The following SGMS1 variants were observed in gnomAD, a reference collection of about 807,000 sequenced individuals.
SGMS1 encodes the protein phosphatidylcholine:ceramide cholinephosphotransferase 1.
SGMS1 carries 13 observed loss-of-function variants against 46.2 expected under a neutral mutation model. The ratio of observed to expected loss-of-function variants is 0.28; its 90% CI spans 0.18 to 0.45. SGMS1 has a LOEUF of 0.45. Ranked by LOEUF, SGMS1 falls within the 20% of genes least tolerant of loss-of-function variation. The pLI, the probability that SGMS1 is intolerant of heterozygous loss-of-function variation, is 1.00. For missense variants in SGMS1, 324 were observed against 519.9 expected, an observed-to-expected ratio of 0.62 and a Z score of 3.66; for synonymous variants, 203 against 187.8, an observed-to-expected ratio of 1.08 and a Z score of -0.66.
intron 6 of SGMS1, among the ~76,000 whole-genome samples, chr10:50,428,745 G>A (rs536964577): frequency 1.3e-5 from 2 of 152,264 alleles, no homozygotes; most frequent in African/African-American, 4.8e-5. Context: ...CAGCCTTTCA[G>A]TCACCTGCAA....
chr10:50,318,878 G>A (rs1431085186), intron 8 of SGMS1, among the ~76,000 whole-genome samples: 1 of 152,038 alleles, frequency 6.6e-6, no homozygotes, highest in Admixed American at 6.6e-5. Context: ...GTGTCTCTAA[G>A]CAATTATCAG....
At chr10:50,475,550 G>A (rs1476778663) in intron 3 of SGMS1, among the ~76,000 whole-genome samples, 1 of 152,100 alleles carries the variant, frequency 6.6e-6, no homozygotes, top group Admixed American at 6.5e-5. Context: ...TGAATAACTG[G>A]TCCATGTTAT....
intron 1 of SGMS1, among the ~76,000 whole-genome samples, chr10:50,594,941 A>G (rs1402922805): frequency 2.0e-5 from 3 of 152,204 alleles, no homozygotes; most frequent in Non-Finnish European, 4.4e-5. Flanking sequence ...TAGATGGAAG[A>G]AACTGAGGTA....
chr10:50,404,487 T>C (rs1471398454), intron 6 of SGMS1, among the ~76,000 whole-genome samples: 1 of 152,064 alleles, frequency 6.6e-6, no homozygotes, highest in Non-Finnish European at 1.5e-5. Context: ...TGCATGCCTG[T>C]GGTCCTAGCT....
intron 6 of SGMS1, among the ~76,000 whole-genome samples, chr10:50,399,187 G>C (rs533342741): frequency 4.2e-4 from 64 of 152,262 alleles, no homozygotes; most frequent in Middle Eastern, 3.4e-3. Context: ...ATGACAAGGT[G>C]ATCATTTGGA....
chr10:50,404,530 G>A (rs757577920), intron 6 of SGMS1, among the ~76,000 whole-genome samples: 9 of 152,060 alleles, frequency 5.9e-5, no homozygotes, highest in African/African-American at 1.9e-4. Flanking sequence ...TTGAGCCCAC[G>A]AGTTTGAGGT....
At chr10:50,486,706 T>C (rs1406418394) in intron 3 of SGMS1, among the ~76,000 whole-genome samples, 1 of 152,266 alleles carries the variant, frequency 6.6e-6, no homozygotes, top group Non-Finnish European at 1.5e-5. Context: ...TTTACACTGT[T>C]GATGGGAATG....
At chr10:50,503,931 TAC>T (rs1837683306) in intron 3 of SGMS1, among the ~76,000 whole-genome samples, 1 of 152,182 alleles carries the variant, frequency 6.6e-6, no homozygotes, top group Admixed American at 6.5e-5. Flanking sequence ...AGAAGTTTTG[TAC>T]AGAGAAAAAA....
chr10:50,326,836 T>C (rs1430538356), intron 8 of SGMS1, among the ~76,000 whole-genome samples: 1 of 152,090 alleles, frequency 6.6e-6, no homozygotes, highest in African/African-American at 2.4e-5. Flanking sequence ...TAGGGATTAA[T>C]AGAAAGAAGG....
chr10:50,475,386 A>G lies in SGMS1; in HGVS notation c.-497-8454T>C, dbSNP rs560674712. ...TAACTGAACTGAATGAACCTTTGATATACGTTCATTTTATGTCTGCATGCA... is the reference window on the plus strand; with the variant it reads ...TAACTGAACTGAATGAACCTTTGATGTACGTTCATTTTATGTCTGCATGCA... On this transcript the variant is annotated intron_variant, in intron 3 of 10. Coordinates refer to ENST00000361781, the MANE Select transcript of SGMS1 (RefSeq NM_147156.4). 1.8e-3 allele frequency among the ~76,000 whole-genome samples: 269 copies of G among 152,308 alleles called. 1 individual carries two copies. Among genetic ancestry groups the G allele is most frequent in the Non-Finnish European group, 3.1e-3 (212 of 68,014 alleles).
intron 1 of SGMS1, among the ~76,000 whole-genome samples, chr10:50,617,272 A>T (rs1053127997): frequency 5.3e-5 from 8 of 152,248 alleles, no homozygotes; most frequent in African/African-American, 1.9e-4. Context: ...ATCATAATTT[A>T]AAAAGATTTT....
chr10:50,443,798 TATA>T (rs1328374977), intron 5 of SGMS1, among the ~76,000 whole-genome samples: 1 of 152,086 alleles, frequency 6.6e-6, no homozygotes, highest in Non-Finnish European at 1.5e-5. Flanking sequence ...ATATTAAAAG[TATA>T]ATATTGTATT....
intron 2 of SGMS1, among the ~76,000 whole-genome samples, chr10:50,556,231 C>A (rs545575013): frequency 6.6e-6 from 1 of 152,320 alleles, no homozygotes; most frequent in African/African-American, 2.4e-5. Context: ...TAACAAATAA[C>A]TACAGAGCCT....
chr10:50,585,332 C>T (rs1261115741), intron 2 of SGMS1, among the ~76,000 whole-genome samples: 3 of 152,232 alleles, frequency 2.0e-5, no homozygotes, highest in Non-Finnish European at 4.4e-5. Flanking sequence ...TACCTTCAAA[C>T]AGTCTGGCAT....
chr10:50,419,289 A>T (rs1849223660), intron 6 of SGMS1, among the ~76,000 whole-genome samples: 1 of 152,236 alleles, frequency 6.6e-6, no homozygotes, highest in Non-Finnish European at 1.5e-5. Context: ...CCTGAATCCG[A>T]ATCTCCAAAA....
At chr10:50,580,003 G>A (rs779671537) in intron 2 of SGMS1, among the ~76,000 whole-genome samples, 3 of 152,166 alleles carry the variant, frequency 2.0e-5, no homozygotes, top group African/African-American at 7.2e-5. Flanking sequence ...TTACATAGAA[G>A]GCTGTTTATG....
At chr10:50,518,613 G>GA (rs1021368980) in intron 3 of SGMS1, among the ~76,000 whole-genome samples, 2 of 151,990 alleles carry the variant, frequency 1.3e-5, no homozygotes, top group Non-Finnish European at 2.9e-5. Flanking sequence ...TTTTAGTAAA[G>GA]ACACCATGTT....
At chr10:50,428,654 A>G (rs1849361205) in intron 6 of SGMS1, among the ~76,000 whole-genome samples, 1 of 152,118 alleles carries the variant, frequency 6.6e-6, no homozygotes, top group African/African-American at 2.4e-5. Flanking sequence ...CTTTACAACT[A>G]TCCTAGCAAT....
intron 7 of SGMS1, chr10:50,342,753 C>T (rs953227507): frequency 6.6e-6 from 1 of 152,138 alleles, no homozygotes; most frequent in African/African-American, 2.4e-5. Flanking sequence ...AGTGAAGGGA[C>T]AATGTAGGCA....
Sources: gnomAD v4.1 joint callset for allele counts (sites outside exome capture counted in the v4.1 genomes callset) on GRCh38, gnomAD v4.1.1 for gene constraint, MANE v1.5 for transcripts, NCBI Gene and HGNC (gene_info 2026-07-23, HGNC 2026-07-21) for gene names.